The following ZNF813 variants were observed in gnomAD, a reference collection of about 807,000 sequenced individuals.
The protein encoded by ZNF813 is zinc finger protein 813.
In ZNF813, 3 loss-of-function variants were observed where a neutral mutation model predicts 7.2. The ratio of observed to expected loss-of-function variants is 0.42; its 90% CI spans 0.19 to 1.08. The LOEUF (loss-of-function observed/expected upper bound fraction) is 1.08, where lower values mean the gene tolerates loss of function less well. ZNF813 is among the 50% of genes least tolerant of loss of function. ZNF813 has a pLI of 0.30. For synonymous variants in ZNF813, 227 were observed against 256.3 expected, an observed-to-expected ratio of 0.89 and a Z score of 1.09; for missense variants, 714 against 753.3, an observed-to-expected ratio of 0.95 and a Z score of 0.61.
Position 53,490,841 on chromosome 19 carries a change from A to G in ZNF813, c.609A>G (p.Thr203=). The G allele has an allele frequency of 6.2e-7, 1 of 1,614,216 alleles. No homozygotes were observed. Among genetic ancestry groups the G allele is most frequent in the East Asian group, 2.2e-5 (1 of 44,888 alleles). The change falls in exon 4 of 4, where the codon ACA becomes ACG. Residue 203 remains threonine, a synonymous_variant. Coordinates refer to ENST00000396403, the MANE Select transcript of ZNF813 (RefSeq NM_001004301.4). Reference sequence around the variant, plus strand: ...ATTTCCGGAATTCTTCGTTACTCACACAAAAACAGGAGGTACACATGAGAG... The same window carrying G: ...ATTTCCGGAATTCTTCGTTACTCACGCAAAAACAGGAGGTACACATGAGAG... ...GNNFRNSSLL[T]QKQEVHMREK...
At chr19:53,473,738 A>C (rs1036304588) in intron 1 of ZNF813, among the ~76,000 whole-genome samples, 1 of 152,192 alleles carries the variant, frequency 6.6e-6, no homozygotes, top group Admixed American at 6.5e-5. Context: ...CATGGCTATT[A>C]TTAAAGCCTG....
In ZNF813 at chr19:53,476,252, A is replaced by C. The variant is rs1003455164; in HGVS notation, c.-73-7498A>C. Among the ~76,000 whole-genome samples the C allele has an allele frequency of 3.9e-5, 6 of 152,228 alleles. No individual in the cohort carries two copies. The South Asian group carries it at 8.3e-4, about 21-fold the overall frequency. On this transcript the variant is annotated intron_variant, in intron 1 of 3. Transcript: ENST00000396403. ...CCTCTTAGATTGGGGCCGGCAAAAG[A>C]AGCTCATCTGCATACTGCAACAAGG...
intron 1 of ZNF813, among the ~76,000 whole-genome samples, chr19:53,468,577 G>C (rs568318985): frequency 2.2e-4 from 33 of 152,094 alleles, no homozygotes; most frequent in Admixed American, 1.1e-3. Flanking sequence ...GGAGAGGTCA[G>C]CAAGAAAACA....
At chr19:53,487,083 C>T (rs1344494871) in intron 3 of ZNF813, among the ~76,000 whole-genome samples, 1 of 149,676 alleles carries the variant, frequency 6.7e-6, no homozygotes, top group Non-Finnish European at 1.5e-5. Context: ...TCCTGAGTAA[C>T]TGGGATTACA....
Position 53,491,378 on chromosome 19 carries a change from T to TTA in ZNF813, c.1149_1150dup (p.Lys384IlefsTer14). On this transcript the variant is annotated frameshift_variant, in exon 4 of 4. Coordinates refer to ENST00000396403, the MANE Select transcript of ZNF813 (RefSeq NM_001004301.4). LOFTEE classifies it low-confidence loss of function (END_TRUNC). ...ATAGACTTCATACGGGAGAGAAACC[T>TTA]TATAAGTGTAATGAATGTGGCAAGA... The TTA allele has an allele frequency of 6.2e-7, 1 of 1,612,608 alleles. No individual in the cohort carries two copies. The highest frequency in any genetic ancestry group is 8.5e-7 in the Non-Finnish European group (1 of 1,179,260).
At chr19:53,482,937 G>T (rs2086416463) in intron 1 of ZNF813, among the ~76,000 whole-genome samples, 1 of 149,288 alleles carries the variant, frequency 6.7e-6, no homozygotes. Flanking sequence ...TTTTATTTTT[G>T]AGTCTCACAT....
intron 3 of ZNF813, chr19:53,488,442 T>G (rs2086444103): frequency 3.4e-6 from 1 of 295,544 alleles, no homozygotes; most frequent in Admixed American, 4.9e-5. Flanking sequence ...GGAGTCTTGG[T>G]CTGTTGTCCA....
At chr19:53,479,253 CA>C in intron 1 of ZNF813, 1 of 1,284,702 alleles carries the variant, frequency 7.8e-7, no homozygotes, top group Non-Finnish European at 1.1e-6. Context: ...TCTTAGTTTT[CA>C]AAATTTCTCT....
chr19:53,490,813 A>G lies in ZNF813; in HGVS notation c.581A>G (p.Asn194Ser). The G allele has an allele frequency of 5.0e-6, 8 of 1,614,214 alleles. No individual in the cohort carries two copies. Among genetic ancestry groups the G allele is most frequent in the Non-Finnish European group, 6.8e-6 (8 of 1,180,036 alleles). ...PKTHISNNYGNNFRNSSLLTQ... is the reference protein window; with the variant it reads ...PKTHISNNYGSNFRNSSLLTQ... ...ACCCATATTTCTAATAACTATGGGAATAATTTCCGGAATTCTTCGTTACTC... is the reference window on the plus strand; with the variant it reads ...ACCCATATTTCTAATAACTATGGGAGTAATTTCCGGAATTCTTCGTTACTC... The change falls in exon 4 of 4, where the codon AAT becomes AGT. Residue 194 changes from asparagine to serine, a missense_variant. Asn to Ser is a conservative substitution (Grantham distance 46). Transcript: ENST00000396403.
chr19:53,467,739 T>G lies in ZNF813; in HGVS notation c.-124T>G, dbSNP rs549208927. The G allele has an allele frequency of 1.1e-5, 2 of 177,302 alleles. No homozygotes were observed. The highest frequency in any genetic ancestry group is 1.7e-4 in the East Asian group (1 of 5,716). 11.0% of individuals were successfully genotyped at this position (177,302 alleles called of 1,614,324 possible). ...CCTGGCTTCTGTCCTGCGCGCAGATTCGCGAAAACCCGGAAGCGGATCGCG... is the reference window on the plus strand; with the variant it reads ...CCTGGCTTCTGTCCTGCGCGCAGATGCGCGAAAACCCGGAAGCGGATCGCG... On this transcript the variant is annotated 5_prime_UTR_variant, in exon 1 of 4. The change creates a new upstream start codon in the 5' untranslated region. Coordinates refer to ENST00000396403, the MANE Select transcript of ZNF813 (RefSeq NM_001004301.4).
At chr19:53,474,255 A>T (rs1290370714) in intron 1 of ZNF813, among the ~76,000 whole-genome samples, 47 of 152,176 alleles carry the variant, frequency 3.1e-4, no homozygotes, top group Non-Finnish European at 6.9e-4. Flanking sequence ...AAAGTTTATA[A>T]CCAAGTTTTC....
chr19:53,478,462 G>A lies in ZNF813; in HGVS notation c.-73-5288G>A, dbSNP rs898096195. On this transcript the variant is annotated intron_variant, in intron 1 of 3. Transcript: ENST00000396403. ...ACTGGGATTACAGGGATGAGCCACC[G>A]CACCTAGCCTACATAGTACTTTTTA... Among the ~76,000 whole-genome samples, 26 of 151,988 alleles carry A rather than the reference G, an allele frequency of 1.7e-4. 1 individual carries two copies. The highest frequency in any genetic ancestry group is 8.3e-4 in the South Asian group (4 of 4,818).
At chr19:53,489,806 C>T (rs1411824026) in intron 3 of ZNF813, among the ~76,000 whole-genome samples, 1 of 152,038 alleles carries the variant, frequency 6.6e-6, no homozygotes, top group Non-Finnish European at 1.5e-5. Flanking sequence ...TCAAGCGATT[C>T]TTGTGCCTCA....
chr19:53,474,416 C>T (rs190164103), intron 1 of ZNF813, among the ~76,000 whole-genome samples: 172 of 152,092 alleles, frequency 1.1e-3, no homozygotes, highest in African/African-American at 3.9e-3. Context: ...TGGCCGGGCG[C>T]GGTGGCTCAT....
At position 53,482,559 on chromosome 19, in the gene ZNF813, C is replaced by G. The variant is rs549380208; in HGVS notation, c.-73-1191C>G. ...CTCTTACTCTATGTCCCTAAATGAT[C>G]ACGGCACTGTCCCTTTCTCCTCCTT... On this transcript the variant is annotated intron_variant, in intron 1 of 3. Transcript: ENST00000396403. Among the ~76,000 whole-genome samples the G allele has an allele frequency of 3.3e-5, 5 of 152,264 alleles. No homozygotes were observed. The East Asian group carries it at 7.7e-4, about 23-fold the overall frequency.
intron 1 of ZNF813, among the ~76,000 whole-genome samples, chr19:53,482,077 G>C (rs2086411036): frequency 6.6e-6 from 1 of 152,090 alleles, no homozygotes; most frequent in African/African-American, 2.4e-5. Flanking sequence ...GAATGACCCT[G>C]GTCCCTGAAA....
In ZNF813 at chr19:53,491,679, G is replaced by A. The variant is rs771176876; in HGVS notation, c.1447G>A (p.Val483Ile). Reference protein sequence around the residue: ...GKTFSRISALVIHTAIHTGEK... With the variant: ...GKTFSRISALIIHTAIHTGEK... ...GACGTTCAGTCGAATTTCAGCCCTCGTAATTCATACGGCAATTCATACTGG... is the reference window on the plus strand; with the variant it reads ...GACGTTCAGTCGAATTTCAGCCCTCATAATTCATACGGCAATTCATACTGG... Residue 483 changes from valine (V) to isoleucine (I), a missense_variant, in exon 4 of 4, where the codon GTA becomes ATA. Around this residue, in one of 3 missense-constraint regions of ZNF813, gnomAD observed 563 missense variants for 554.2 expected, o/e 1.02. Transcript: ENST00000396403. The A allele has an allele frequency of 1.9e-5, 31 of 1,613,254 alleles. No homozygotes were observed. Among genetic ancestry groups the A allele is most frequent in the Middle Eastern group, 1.7e-4 (1 of 6,050 alleles).
Position 53,492,761 on chromosome 19 carries a change from A to G in ZNF813, c.*675A>G, listed in dbSNP as rs1352801279. On this transcript the variant is annotated 3_prime_UTR_variant, in exon 4 of 4. Coordinates refer to ENST00000396403, the MANE Select transcript of ZNF813 (RefSeq NM_001004301.4). ...AGACATCGTCCATACCTTGCAGTTC[A>G]TTGGCGAACTCATACTGGAGACAAA... The G allele has an allele frequency of 1.6e-6, 1 of 616,682 alleles. No homozygotes were observed. The highest frequency in any genetic ancestry group is 2.9e-6 in the Non-Finnish European group (1 of 350,732). The allele number at this position is 616,682 out of a possible 1,614,324, so 38.2% of individuals were successfully genotyped here. A position where few individuals can be genotyped will look rare whatever the true frequency, so the allele number is the denominator to read the frequency against.
intron 1 of ZNF813, among the ~76,000 whole-genome samples, chr19:53,471,107 C>A (rs995877173): frequency 3.3e-5 from 5 of 152,120 alleles, no homozygotes; most frequent in African/African-American, 9.7e-5. Context: ...ATGTCTATAT[C>A]TCTTTTGTTT....
Sources: gnomAD v4.1 joint callset for allele counts (sites outside exome capture counted in the v4.1 genomes callset) on GRCh38, gnomAD v4.1.1 for gene constraint, gnomAD v4.1.1 regional missense constraint, MANE v1.5 for transcripts, NCBI Gene and HGNC (gene_info 2026-07-23, HGNC 2026-07-21) for gene names.